The following MAP2K2 variants were observed in gnomAD, a reference collection of about 807,000 sequenced individuals.
MAP2K2 encodes dual specificity mitogen-activated protein kinase kinase 2.
A neutral mutation model predicts 43.7 loss-of-function variants in MAP2K2; 24 were observed. The ratio of observed to expected loss-of-function variants is 0.55; its 90% CI spans 0.40 to 0.77. The LOEUF (loss-of-function observed/expected upper bound fraction) is 0.77, where lower values mean the gene tolerates loss of function less well. Ranked by LOEUF, MAP2K2 falls within the 30% of genes least tolerant of loss-of-function variation. The pLI is 0.00. For synonymous variants in MAP2K2, 244 were observed against 239.7 expected (o/e 1.02, Z -0.17); for missense variants, 470 against 566.8 (o/e 0.83, Z 1.73).
At chr19:4,111,523 G>A (rs981840771) in intron 2 of MAP2K2, among the ~76,000 whole-genome samples, 5 of 152,116 alleles carry the variant, frequency 3.3e-5, no homozygotes, top group Non-Finnish European at 7.4e-5. Context: ...CCGTGGAGAC[G>A]TTAGCCACAC....
intron 3 of MAP2K2, among the ~76,000 whole-genome samples, chr19:4,106,731 AC>A (rs60229145): frequency 0.037 from 5,690 of 152,076 alleles, 361 homozygotes; most frequent in African/African-American, 0.13. Context: ...TTCTACAACC[AC>A]CCCTCCACTA....
chr19:4,097,110 CAT>C (rs1366021717), intron 8 of MAP2K2, among the ~76,000 whole-genome samples, 167 bp downstream of exon 8: 15 of 141,370 alleles, frequency 1.1e-4, no homozygotes, highest in African/African-American at 3.7e-4. Flanking sequence ...ACGAGAATCA[CAT>C]GAGCTTGGAA....
At chr19:4,097,244 A>G in intron 8 of MAP2K2, 35 bp downstream of exon 8, 1 of 1,375,080 alleles carries the variant, frequency 7.3e-7, no homozygotes, top group Non-Finnish European at 1.0e-6. Flanking sequence ...AAGAAAGAAA[A>G]GGAAAAGAAA....
intron 9 of MAP2K2, chr19:4,094,766 G>A: frequency 1.8e-6 from 1 of 544,800 alleles, no homozygotes; most frequent in Non-Finnish European, 3.3e-6. Context: ...TGGTGGGTCA[G>A]AAGCCTGGAC....
At chr19:4,096,141 G>A (rs2040913939) in intron 8 of MAP2K2, among the ~76,000 whole-genome samples, 2 of 152,250 alleles carry the variant, frequency 1.3e-5, no homozygotes, top group Non-Finnish European at 2.9e-5. Context: ...CCCGGAGCGG[G>A]AGTGGCCGTG....
intron 2 of MAP2K2, 73 bp downstream of exon 2, chr19:4,117,346 T>C (rs2041234256): frequency 1.4e-6 from 2 of 1,454,774 alleles, no homozygotes; most frequent in South Asian, 1.2e-5. Flanking sequence ...CCGGCTGCCT[T>C]CCCAACCTGC....
chr19:4,123,775 C>T lies in MAP2K2; in HGVS notation c.92+9G>A, dbSNP rs2145089690. ...ACCCCAAGCCTCCGGCTGACCCCTGCCCACTCACTCGGAGGCGCCCTCGCT... is the reference window on the plus strand; with the variant it reads ...ACCCCAAGCCTCCGGCTGACCCCTGTCCACTCACTCGGAGGCGCCCTCGCT... On this transcript the variant is annotated intron_variant, in intron 1 of 10. Transcript: ENST00000262948. 6.5e-7 allele frequency: 1 copy of T among 1,543,540 alleles called. No individual in the cohort carries two copies. The highest frequency in any genetic ancestry group is 8.7e-7 in the Non-Finnish European group (1 of 1,148,418).
Position 4,099,329 on chromosome 19 carries a change from C to A in MAP2K2, c.791G>T (p.Arg264Met), listed in dbSNP as rs1410896893. Residue 264 changes from arginine to methionine, a missense_variant, in exon 7 of 11, where the codon AGG becomes ATG. Transcript: ENST00000262948. ...GLSLVELAVGRYPIPPPDAKE... is the reference protein window; with the variant it reads ...GLSLVELAVGMYPIPPPDAKE... ...GGCGTCGGGCGGGGGGATGGGGTAC[C>A]TTCCGACGGCCAGCTCCACCAGGGA... is the stretch of plus-strand genomic sequence containing the variant. The A allele has an allele frequency of 6.2e-7, 1 of 1,609,856 alleles. No individual in the cohort carries two copies. The highest frequency in any genetic ancestry group is 8.5e-7 in the Non-Finnish European group (1 of 1,178,476).
At chr19:4,100,724 C>G in intron 6 of MAP2K2, 1 of 500,186 alleles carries the variant, frequency 2.0e-6, no homozygotes. Flanking sequence ...CCAGGAGGCA[C>G]CAGCTTTAGA....
chr19:4,102,231 G>A (rs1047038540), intron 4 of MAP2K2, 145 bp downstream of exon 4: 8 of 720,860 alleles, frequency 1.1e-5, no homozygotes, highest in Non-Finnish European at 2.0e-5. Flanking sequence ...CTCCACAGCA[G>A]GTGGGCACAG....
chr19:4,105,640 C>A (rs961878706), intron 3 of MAP2K2, among the ~76,000 whole-genome samples: 2 of 152,020 alleles, frequency 1.3e-5, no homozygotes, highest in African/African-American at 4.8e-5. Context: ...TTCCACCATT[C>A]CCCCCTCAAG....
chr19:4,094,776 C>T (rs2040892217), intron 9 of MAP2K2: 3 of 534,344 alleles, frequency 5.6e-6, no homozygotes, highest in African/African-American at 1.9e-5. Flanking sequence ...GAAGCCTGGA[C>T]GCAACCCCAG....
At chr19:4,114,424 C>T (rs981309977) in intron 2 of MAP2K2, among the ~76,000 whole-genome samples, 3 of 152,158 alleles carry the variant, frequency 2.0e-5, no homozygotes, top group East Asian at 3.9e-4. Context: ...GCCGTGTGAC[C>T]GCCACCCTGG....
At position 4,095,467 on chromosome 19, in the gene MAP2K2, G is replaced by A. The variant is rs1440607362; in HGVS notation, c.985-18C>T. ...GGAGGTGGCTGTGGAGGAGAACAGA[G>A]GGTGGGGTCAGCCCTGGGCATCGTC... On this transcript the variant is annotated intron_variant, in intron 8 of 10. Coordinates refer to ENST00000262948, the MANE Select transcript of MAP2K2 (RefSeq NM_030662.4). 6 of 1,550,098 alleles carry A rather than the reference G, an allele frequency of 3.9e-6. No homozygotes were observed. The highest frequency in any genetic ancestry group is 4.4e-6 in the Non-Finnish European group (5 of 1,145,904).
Position 4,108,494 on chromosome 19 carries a change from C to T in MAP2K2, c.450+2015G>A, listed in dbSNP as rs188140031. On this transcript the variant is annotated intron_variant, in intron 3 of 10. Transcript: ENST00000262948. Reference sequence around the variant, plus strand: ...CAGAATAGTCTCGATCTCCTGAACTCGCCTCGGCCTCCCAAAGTGCTGGGA... The same window carrying T: ...CAGAATAGTCTCGATCTCCTGAACTTGCCTCGGCCTCCCAAAGTGCTGGGA... 6.6e-5 allele frequency among the ~76,000 whole-genome samples: 10 copies of T among 151,592 alleles called. No individual in the cohort carries two copies. In the South Asian group the frequency reaches 8.3e-4, roughly 13 times the overall value.
chr19:4,099,945 T>G (rs189316389), intron 6 of MAP2K2: 1 of 178,132 alleles, frequency 5.6e-6, no homozygotes, highest in Non-Finnish European at 1.2e-5. Flanking sequence ...ACTAAAAACA[T>G]TTTTTTAAAA....
chr19:4,093,677 AGACTCTGTCC>A (rs2145040601), intron 10 of MAP2K2, among the ~76,000 whole-genome samples: 1 of 152,220 alleles, frequency 6.6e-6, no homozygotes, highest in African/African-American at 2.4e-5. Flanking sequence ...CGACAGAGTG[AGACTCTGTCC>A]GACTCTCAAG....
rs376299424 is a variant in MAP2K2 at position 4,102,419 on chromosome 19, G to A, written c.485C>T (p.Ala162Val). The change falls in exon 4 of 11, where the codon GCC becomes GTC. Residue 162 changes from alanine to valine, a missense_variant. By Grantham distance (64) the Ala-to-Val change is moderately conservative. Coordinates refer to ENST00000262948, the MANE Select transcript of MAP2K2 (RefSeq NM_030662.4). ...GGSLDQVLKE[A>V]KRIPEEILGK... ...CAGGATCTCCTCGGGAATCCTCTTG[G>A]CCTCTTTCAGCACCTGGTCCAGGGA... is the stretch of plus-strand genomic sequence containing the variant. The A allele has an allele frequency of 1.2e-5, 19 of 1,606,152 alleles. No homozygotes were observed. Among genetic ancestry groups the A allele is most frequent in the Admixed American group, 1.7e-5 (1 of 58,910 alleles).
At chr19:4,116,838 G>T (rs1187529020) in intron 2 of MAP2K2, among the ~76,000 whole-genome samples, 4 of 151,974 alleles carry the variant, frequency 2.6e-5, no homozygotes, top group African/African-American at 9.7e-5. Flanking sequence ...GCTGAGGCAA[G>T]AGAATCCTTG....
Sources: gnomAD v4.1 joint callset for allele counts (sites outside exome capture counted in the v4.1 genomes callset) on GRCh38, gnomAD v4.1.1 for gene constraint, MANE v1.5 for transcripts, NCBI Gene and HGNC (gene_info 2026-07-23, HGNC 2026-07-21) for gene names.